The following ARHGEF33 variants were observed in gnomAD, a reference collection of about 807,000 sequenced individuals.
ARHGEF33 encodes DH and coiled-coil domain-containing protein ENSP00000381780.
In ARHGEF33, 72 loss-of-function variants were observed where a neutral mutation model predicts 101.9. The ratio of observed to expected loss-of-function variants is 0.71; its 90% CI spans 0.58 to 0.86. ARHGEF33 has a LOEUF of 0.86. Among genes scored for constraint, ARHGEF33 ranks in the 40% least tolerant of loss-of-function variants. The probability of loss-of-function intolerance (pLI) is 0.00; values close to 1 mark genes in which losing one functional copy is unlikely to be tolerated. For missense variants in ARHGEF33, 1,169 were observed against 1,111.3 expected, an observed-to-expected ratio of 1.05 and a Z score of -0.74; for synonymous variants, 499 against 442.5, an observed-to-expected ratio of 1.13 and a Z score of -1.60.
chr2:38,948,128 C>G (rs1380341144), intron 10 of ARHGEF33, among the ~76,000 whole-genome samples: 1 of 152,040 alleles, frequency 6.6e-6, no homozygotes, highest in African/African-American at 2.4e-5. Flanking sequence ...AATACTTCGT[C>G]TTCATGAAAA....
rs138783508 is a variant in ARHGEF33, at chr2:38,952,492, C to T, written c.1054-670C>T. ...GGATGGGCAGAGTCCCTCATCTGGACGTACATGATTGACTGAAATGAAATG... is the reference window on the plus strand; with the variant it reads ...GGATGGGCAGAGTCCCTCATCTGGATGTACATGATTGACTGAAATGAAATG... On this transcript the variant is annotated intron_variant, in intron 11 of 17. Coordinates refer to ENST00000409978, the MANE Select transcript of ARHGEF33 (RefSeq NM_001145451.5). Among the ~76,000 whole-genome samples the T allele has an allele frequency of 1.9e-3, 282 of 152,132 alleles. 1 individual carries two copies. Among genetic ancestry groups the T allele is most frequent in the African/African-American group, 6.6e-3 (272 of 41,504 alleles).
rs1030917817 is a variant in ARHGEF33 at position 38,957,948 on chromosome 2, T to C, written c.1371-86T>C. 9 of 1,450,244 alleles carry C rather than the reference T, an allele frequency of 6.2e-6. No homozygotes were observed. In the Admixed American group the frequency reaches 1.4e-4, roughly 23 times the overall value. 89.8% of individuals were successfully genotyped at this position (1,450,244 alleles called of 1,614,324 possible). On this transcript the variant is annotated intron_variant, in intron 14 of 17. Coordinates refer to ENST00000409978, the MANE Select transcript of ARHGEF33 (RefSeq NM_001145451.5). The stretch of plus-strand genomic sequence containing the variant: ...TTCACAGCAAACTTTATCTGAGACA[T>C]CTCTCTATCTTTTTTGGCATAATAT...
rs1303556116 is a variant in ARHGEF33, at chr2:38,958,155, C to A, written c.1492C>A (p.Leu498Met). 3.9e-6 allele frequency: 6 copies of A among 1,551,894 alleles called. No homozygotes were observed. Among genetic ancestry groups the A allele is most frequent in the Non-Finnish European group, 5.2e-6 (6 of 1,147,040 alleles). Reference sequence around the variant, plus strand: ...CACTGGGATCCACTCAGAAGAGTTGCTGCAACCCTACCCTTCTGCTCCCAG... The same window carrying A: ...CACTGGGATCCACTCAGAAGAGTTGATGCAACCCTACCCTTCTGCTCCCAG... ...RDTGIHSEEL[L>M]QPYPSAPSSG... Residue 498 changes from leucine to methionine, a missense_variant, in exon 15 of 18, where the codon CTG becomes ATG. Leu to Met is a conservative substitution (Grantham distance 15). Transcript: ENST00000409978.
At chr2:38,958,273 C>A in intron 15 of ARHGEF33, 75 bp downstream of exon 15, 1 of 1,508,112 alleles carries the variant, frequency 6.6e-7, no homozygotes, top group Non-Finnish European at 8.9e-7. Flanking sequence ...GTTAGCAGGG[C>A]AGCCTAGATT....
chr2:38,940,578 G>C (rs1667278686), intron 9 of ARHGEF33, among the ~76,000 whole-genome samples: 1 of 151,916 alleles, frequency 6.6e-6, no homozygotes, highest in Non-Finnish European at 1.5e-5. Flanking sequence ...TGCTGTTGTT[G>C]ATTTTTTTCA....
At chr2:38,970,771 G>A (rs986495978) in intron 17 of ARHGEF33, among the ~76,000 whole-genome samples, 1 of 152,156 alleles carries the variant, frequency 6.6e-6, no homozygotes, top group Non-Finnish European at 1.5e-5. Flanking sequence ...TTAAATGAAT[G>A]CTCATTTCCT....
At chr2:38,941,780 C>T (rs1416144370) in intron 9 of ARHGEF33, among the ~76,000 whole-genome samples, 2 of 152,016 alleles carry the variant, frequency 1.3e-5, no homozygotes, top group South Asian at 2.1e-4. Flanking sequence ...TTCCTGACCT[C>T]GTGATCCGCC....
intron 15 of ARHGEF33, chr2:38,959,545 A>AC (rs1667858462): frequency 3.2e-6 from 1 of 313,392 alleles, no homozygotes; most frequent in Non-Finnish European, 5.9e-6. Context: ...GCCTTGGAGC[A>AC]CCGCAGGTGG....
chr2:38,936,375 A>G (rs1667129684), intron 8 of ARHGEF33, among the ~76,000 whole-genome samples: 2 of 152,186 alleles, frequency 1.3e-5, no homozygotes, highest in Non-Finnish European at 2.9e-5. Flanking sequence ...TGGCCAAATA[A>G]GACATTGTTT....
chr2:38,941,571 G>A (rs1480766565), intron 9 of ARHGEF33, among the ~76,000 whole-genome samples: 6 of 146,984 alleles, frequency 4.1e-5, no homozygotes, highest in African/African-American at 1.0e-4. Context: ...TTTTTGAGAC[G>A]GAGTCTTGCA....
chr2:38,963,785 G>A (rs764466913), intron 16 of ARHGEF33, among the ~76,000 whole-genome samples: 8 of 152,014 alleles, frequency 5.3e-5, no homozygotes, highest in South Asian at 2.1e-4. Context: ...GATCATTCGC[G>A]GTGATTGATA....
At chr2:38,941,519 C>G (rs922986062) in intron 9 of ARHGEF33, among the ~76,000 whole-genome samples, 4 of 151,918 alleles carry the variant, frequency 2.6e-5, no homozygotes, top group African/African-American at 9.7e-5. Flanking sequence ...TTCTGATACT[C>G]AGTTTTTTGC....
chr2:38,943,148 G>A (rs1363168623), intron 9 of ARHGEF33, among the ~76,000 whole-genome samples: 3 of 152,084 alleles, frequency 2.0e-5, no homozygotes, highest in Admixed American at 2.0e-4. Context: ...GGCTGGTCTC[G>A]AACTCCTGAC....
chr2:38,912,492 A>T (rs1295696956), intron 2 of ARHGEF33, among the ~76,000 whole-genome samples: 1 of 152,202 alleles, frequency 6.6e-6, no homozygotes, highest in Non-Finnish European at 1.5e-5. Context: ...ATACATATTC[A>T]TTATTACAGT....
chr2:38,960,705 A>T, intron 16 of ARHGEF33, 57 bp downstream of exon 16: 1 of 1,243,970 alleles, frequency 8.0e-7, no homozygotes, highest in Non-Finnish European at 1.0e-6. Context: ...CTAGATCTGC[A>T]GGAAGCATCC....
chr2:38,915,003 G>C (rs964495092), intron 2 of ARHGEF33, among the ~76,000 whole-genome samples: 1 of 151,422 alleles, frequency 6.6e-6, no homozygotes, highest in Non-Finnish European at 1.5e-5. Flanking sequence ...CAACAATAAT[G>C]ATCCTATGTT....
At chr2:38,928,665 A>T in intron 4 of ARHGEF33, 1 of 286,842 alleles carries the variant, frequency 3.5e-6, no homozygotes, top group Non-Finnish European at 6.4e-6. Context: ...AAACTTAATT[A>T]ACAGCTTGCT....
At chr2:38,937,312 C>CCGGGGGGG in intron 8 of ARHGEF33, 23 bp from the exon 9 acceptor site, 1 of 583,332 alleles carries the variant, frequency 1.7e-6, no homozygotes, top group Non-Finnish European at 3.0e-6. Context: ...TTTGTTTCCC[C>CCGGGGGGG]GCCCCTCCCC....
At chr2:38,900,137 A>G (rs1226266112) in intron 2 of ARHGEF33, among the ~76,000 whole-genome samples, 1 of 152,216 alleles carries the variant, frequency 6.6e-6, no homozygotes, top group East Asian at 1.9e-4. Context: ...GGCTGCAGTG[A>G]GCTAGGATTA....
Sources: allele counts gnomAD v4.1 joint callset (sites outside exome capture counted in the v4.1 genomes callset), GRCh38; gene constraint gnomAD v4.1.1; transcripts MANE v1.5; gene names NCBI Gene and HGNC (gene_info 2026-07-23, HGNC 2026-07-21).